The following PPP4R3B variants were observed in gnomAD, a reference collection of about 807,000 sequenced individuals.
The protein encoded by PPP4R3B is serine/threonine-protein phosphatase 4 regulatory subunit 3B.
In PPP4R3B, 52 loss-of-function variants were observed where a neutral mutation model predicts 95.4. The observed-to-expected ratio is 0.54, with a 90% CI of 0.44 to 0.69. The LOEUF (loss-of-function observed/expected upper bound fraction) is 0.69. Ranked by LOEUF, PPP4R3B falls within the 30% of genes least tolerant of loss-of-function variation. The pLI is 0.00. For missense variants in PPP4R3B, 1,003 were observed against 1,005.9 expected (o/e 1.00, Z 0.04); for synonymous variants, 407 against 343.9 (o/e 1.18, Z -2.03).
intron 2 of PPP4R3B, among the ~76,000 whole-genome samples, chr2:55,609,592 CA>C (rs1474499353): frequency 6.7e-6 from 1 of 149,568 alleles, no homozygotes; most frequent in African/African-American, 2.5e-5. Flanking sequence ...AGCCTGAGCG[CA>C]GGAAGTTAAA....
At chr2:55,575,006 CG>C (rs1688481534) in intron 11 of PPP4R3B, among the ~76,000 whole-genome samples, 1 of 139,654 alleles carries the variant, frequency 7.2e-6, no homozygotes, top group African/African-American at 2.7e-5. Flanking sequence ...GGTGCGATCT[CG>C]GCTCACTGCA....
intron 5 of PPP4R3B, 34 bp downstream of exon 5, chr2:55,588,845 A>T (rs554931972): frequency 1.4e-6 from 2 of 1,430,194 alleles, no homozygotes; most frequent in African/African-American, 1.4e-5. Flanking sequence ...CAAAAGAATA[A>T]GTGCTCTTTA....
At position 55,617,298 on chromosome 2, in the gene PPP4R3B, C is replaced by T. The variant is rs1193468241; in HGVS notation, c.-13G>A. On this transcript the variant is annotated 5_prime_UTR_variant, in exon 1 of 17. Transcript: ENST00000616407. ...GCGTATCCGACATGGTGGCTGCTGT[C>T]TCCACCGCTCTAGCCGCCGCCTCCT... 1 of 1,580,818 alleles carries T rather than the reference C, an allele frequency of 6.3e-7. No individual in the cohort carries two copies. The highest frequency in any genetic ancestry group is 1.8e-5 in the Admixed American group (1 of 56,390).
At chr2:55,556,295 G>T (rs1050300860) in intron 16 of PPP4R3B, among the ~76,000 whole-genome samples, 1 of 152,234 alleles carries the variant, frequency 6.6e-6, no homozygotes, top group Non-Finnish European at 1.5e-5. Flanking sequence ...TATAACAGAT[G>T]TATTCTGTAA....
intron 3 of PPP4R3B, among the ~76,000 whole-genome samples, chr2:55,602,173 G>A (rs777445608): frequency 4.3e-4 from 65 of 152,186 alleles, no homozygotes; most frequent in Non-Finnish European, 8.1e-4. Context: ...TATAGGAAAA[G>A]TTAGTTGTTT....
At chr2:55,601,845 T>A (rs1473945765) in intron 3 of PPP4R3B, among the ~76,000 whole-genome samples, 1 of 152,224 alleles carries the variant, frequency 6.6e-6, no homozygotes, top group Non-Finnish European at 1.5e-5. Flanking sequence ...ATATTGATGA[T>A]CAAATGTATT....
chr2:55,554,839 T>C (rs1685638670), intron 16 of PPP4R3B, among the ~76,000 whole-genome samples: 1 of 152,218 alleles, frequency 6.6e-6, no homozygotes, highest in African/African-American at 2.4e-5. Context: ...CATAGATATT[T>C]ATGCCTTTTT....
At chr2:55,555,798 T>C (rs1018856535) in intron 16 of PPP4R3B, among the ~76,000 whole-genome samples, 1 of 152,190 alleles carries the variant, frequency 6.6e-6, no homozygotes, top group Non-Finnish European at 1.5e-5. Context: ...TCTAATGTCC[T>C]GATATGAAGA....
At chr2:55,574,094 T>C (rs905093905) in intron 11 of PPP4R3B, among the ~76,000 whole-genome samples, 2 of 151,654 alleles carry the variant, frequency 1.3e-5, no homozygotes, top group Non-Finnish European at 2.9e-5. Context: ...GGCCTCACTA[T>C]GTTGTCTGGA....
At chr2:55,613,640 C>T (rs1694500368) in intron 2 of PPP4R3B, among the ~76,000 whole-genome samples, 1 of 151,906 alleles carries the variant, frequency 6.6e-6, no homozygotes, top group Non-Finnish European at 1.5e-5. Flanking sequence ...TAAATACAAA[C>T]CTACTCCATA....
Sources: allele counts gnomAD v4.1 joint callset (sites outside exome capture counted in the v4.1 genomes callset), GRCh38; gene constraint gnomAD v4.1.1; transcripts MANE v1.5; gene names NCBI Gene and HGNC (gene_info 2026-07-23, HGNC 2026-07-21).